Variants in SNX18 observed in about 807,000 individuals in gnomAD.
SNX18 encodes the protein sorting nexin 18.
Under a neutral mutation model 48.7 loss-of-function variants are expected in SNX18, and 35 were observed. The observed-to-expected ratio is 0.72, with a 90% CI of 0.55 to 0.95. The LOEUF is 0.95. Ranked by LOEUF, SNX18 falls within the 40% of genes least tolerant of loss-of-function variation. The pLI, the probability that SNX18 is intolerant of heterozygous loss-of-function variation, is 0.00. For missense variants in SNX18, 824 were observed against 871.0 expected (o/e 0.95, Z 0.68); for synonymous variants, 492 against 384.7 (o/e 1.28, Z -3.26).
At chr5:54,601,352 A>G in the SNX18 span, among the ~76,000 whole-genome samples, 335 of 152,286 alleles carry the variant, frequency 2.2e-3, 2 homozygotes, top group African/African-American at 7.9e-3. Flanking sequence ...TGGGACTCAT[A>G]TGAATTGGCT....
At chr5:54,638,998 A>C in the SNX18 span, among the ~76,000 whole-genome samples, 1 of 152,216 alleles carries the variant, frequency 6.6e-6, no homozygotes, top group African/African-American at 2.4e-5. Flanking sequence ...CTTTTTATTC[A>C]TTCTATAGGC....
chr5:54,554,395 C>T, the SNX18 span, among the ~76,000 whole-genome samples: 1 of 152,184 alleles, frequency 6.6e-6, no homozygotes, highest in African/African-American at 2.4e-5. Flanking sequence ...TTCTGATGTA[C>T]AATTTCACTT....
intron 1 of SNX18, among the ~76,000 whole-genome samples, chr5:54,539,527 C>T (rs552822967): frequency 8.5e-4 from 129 of 152,276 alleles, no homozygotes; most frequent in Non-Finnish European, 1.4e-3. Context: ...TCCGTTGTCA[C>T]ATTGGTCACG....
downstream of SNX18, among the ~76,000 whole-genome samples, chr5:54,547,769 C>T (rs1213150166): frequency 6.6e-6 from 1 of 152,176 alleles, no homozygotes; most frequent in Non-Finnish European, 1.5e-5. Context: ...CCATGCAGTG[C>T]CAATAGAAGC....
At chr5:54,625,483 G>T in the SNX18 span, among the ~76,000 whole-genome samples, 7 of 152,264 alleles carry the variant, frequency 4.6e-5, no homozygotes, top group African/African-American at 1.2e-4. Context: ...TTTTCCAAAG[G>T]GTAGTTCACA....
chr5:54,576,445 C>A, the SNX18 span, among the ~76,000 whole-genome samples: 1 of 152,152 alleles, frequency 6.6e-6, no homozygotes, highest in East Asian at 1.9e-4. Context: ...AATGAAGCAC[C>A]TGGGGAGTTT....
intron 1 of SNX18, among the ~76,000 whole-genome samples, chr5:54,535,570 C>T (rs1267373514): frequency 6.6e-6 from 1 of 152,110 alleles, no homozygotes; most frequent in African/African-American, 2.4e-5. Flanking sequence ...TACACTAATC[C>T]ACTCAATCTG....
intron 1 of SNX18, among the ~76,000 whole-genome samples, chr5:54,537,727 G>T (rs934661240): frequency 1.3e-5 from 2 of 152,138 alleles, no homozygotes; most frequent in Non-Finnish European, 2.9e-5. Context: ...AAAAAGCAGA[G>T]CTTTCAATGC....
chr5:54,638,557 T>C, the SNX18 span, among the ~76,000 whole-genome samples: 1 of 152,194 alleles, frequency 6.6e-6, no homozygotes, highest in Non-Finnish European at 1.5e-5. Context: ...TTCTTTGTTG[T>C]TTGTTTTTTA....
intron 1 of SNX18, among the ~76,000 whole-genome samples, chr5:54,532,313 T>TC (rs1200569667): frequency 1.0e-5 from 1 of 100,124 alleles, no homozygotes; most frequent in East Asian, 2.5e-4. Flanking sequence ...GTTGCTTTTT[T>TC]TTTTTCTTTT....
chr5:54,536,299 T>C (rs1361937948), intron 1 of SNX18, among the ~76,000 whole-genome samples: 4 of 152,208 alleles, frequency 2.6e-5, no homozygotes, highest in Non-Finnish European at 5.9e-5. Context: ...GTTACATATG[T>C]ATACATGCGC....
the SNX18 span, among the ~76,000 whole-genome samples, chr5:54,634,830 G>A: frequency 6.6e-6 from 1 of 152,052 alleles, no homozygotes; most frequent in Non-Finnish European, 1.5e-5. Flanking sequence ...TTTAAAAATT[G>A]AGCGTCTTAT....
chr5:54,647,803 G>C, the SNX18 span, among the ~76,000 whole-genome samples: 1 of 152,094 alleles, frequency 6.6e-6, no homozygotes, highest in Non-Finnish European at 1.5e-5. Context: ...AAACTTCAAC[G>C]GGCAACAGGG....
chr5:54,540,237 G>A (rs929823448), intron 1 of SNX18, among the ~76,000 whole-genome samples: 1 of 150,788 alleles, frequency 6.6e-6, no homozygotes, highest in Admixed American at 6.6e-5. Context: ...TTTGAGATAG[G>A]GTTTTACTCT....
chr5:54,548,178 G>T (rs746905669), downstream of SNX18, among the ~76,000 whole-genome samples: 8 of 152,176 alleles, frequency 5.3e-5, no homozygotes, highest in Non-Finnish European at 1.0e-4. Flanking sequence ...CAAACTGCCT[G>T]CCTGTCTTAA....
chr5:54,633,335 T>C, the SNX18 span, among the ~76,000 whole-genome samples: 1 of 152,040 alleles, frequency 6.6e-6, no homozygotes, highest in Non-Finnish European at 1.5e-5. Context: ...AAGATATAAA[T>C]GGAATATAAG....
At chr5:54,529,296 A>G (rs1236102911) in intron 1 of SNX18, among the ~76,000 whole-genome samples, 2 of 152,188 alleles carry the variant, frequency 1.3e-5, no homozygotes, top group Non-Finnish European at 2.9e-5. Context: ...GGTCACCAAT[A>G]GAGATGCCTG....
chr5:54,561,311 G>A, the SNX18 span, among the ~76,000 whole-genome samples: 1 of 152,128 alleles, frequency 6.6e-6, no homozygotes, highest in African/African-American at 2.4e-5. Flanking sequence ...AAAGTGCTGG[G>A]ATTACAGGCA....
chr5:54,562,301 G>C, the SNX18 span, among the ~76,000 whole-genome samples: 1 of 152,254 alleles, frequency 6.6e-6, no homozygotes, highest in East Asian at 1.9e-4. Flanking sequence ...TGGATTCTGG[G>C]TTTCTTCTAA....
Sources: allele counts gnomAD v4.1 joint callset (sites outside exome capture counted in the v4.1 genomes callset), GRCh38; gene constraint gnomAD v4.1.1; transcripts MANE v1.5; gene names NCBI Gene and HGNC (gene_info 2026-07-23, HGNC 2026-07-21).